Variants in CCDC83 observed in about 807,000 individuals in gnomAD.
CCDC83 encodes the protein coiled-coil domain containing 83.
CCDC83 carries 54 observed loss-of-function variants against 50.1 expected under a neutral mutation model. The ratio of observed to expected loss-of-function variants is 1.08; its 90% confidence interval spans 0.87 to 1.35. The LOEUF is 1.35. Ranked by LOEUF, CCDC83 falls within the 40% of genes most tolerant of loss-of-function variation. CCDC83 has a pLI of 0.00. For synonymous variants in CCDC83, 161 were observed against 153.3 expected (o/e 1.05, Z -0.37); for missense variants, 518 against 473.9 (o/e 1.09, Z -0.86).
At chr11:85,915,543 T>TG in intron 9 of CCDC83, 45 bp downstream of exon 9, 1 of 1,404,596 alleles carries the variant, frequency 7.1e-7, no homozygotes. Flanking sequence ...TTCAAACTCT[T>TG]GTTTTTCAAT....
Position 85,916,083 on chromosome 11 carries a change from A to T in CCDC83, c.930A>T (p.Ser310=), listed in dbSNP as rs768399683. The T allele has an allele frequency of 1.4e-5, 23 of 1,613,424 alleles. No individual in the cohort carries two copies. Among genetic ancestry groups the T allele is most frequent in the Non-Finnish European group, 1.9e-5 (22 of 1,179,510 alleles). Residue 310 remains serine, a synonymous_variant, in exon 10 of 11, where the codon TCA becomes TCT. Transcript: ENST00000342404. ...TAGAAAGTAGAGACTTGATGTCCTC[A>T]TCAGATGAGAGCACTATCTTACATC... ...TEVESRDLMS[S]SDESTILHLS... is the part of the protein sequence containing the mutation.
chr11:85,901,649 A>C (rs1362417176), intron 7 of CCDC83, among the ~76,000 whole-genome samples: 1 of 151,892 alleles, frequency 6.6e-6, no homozygotes, highest in Non-Finnish European at 1.5e-5. Flanking sequence ...TACAAAAAAA[A>C]AAAAGGAAGA....
intron 5 of CCDC83, among the ~76,000 whole-genome samples, chr11:85,886,939 A>G (rs569348767): frequency 1.3e-5 from 2 of 152,290 alleles, no homozygotes; most frequent in African/African-American, 2.4e-5. Flanking sequence ...TCTTCATTCA[A>G]TGGATGGGGT....
At chr11:85,881,197 C>T (rs2093297669) in intron 3 of CCDC83, among the ~76,000 whole-genome samples, 2 of 151,972 alleles carry the variant, frequency 1.3e-5, no homozygotes, top group Admixed American at 1.3e-4. Context: ...GGTGAAATCC[C>T]GTCTCTACTA....
At chr11:85,857,813 C>T (rs562558296) in intron 1 of CCDC83, among the ~76,000 whole-genome samples, 7 of 152,270 alleles carry the variant, frequency 4.6e-5, no homozygotes, top group South Asian at 4.1e-4. Flanking sequence ...TCATCAAGAT[C>T]GACCCCATCA....
At chr11:85,882,395 C>A in intron 3 of CCDC83, 118 bp from the exon 4 acceptor site, 1 of 881,942 alleles carries the variant, frequency 1.1e-6, no homozygotes, top group Non-Finnish European at 1.8e-6. Flanking sequence ...AGTAGAAGTC[C>A]AGGCTTCCCA....
Position 85,882,666 on chromosome 11 carries a change from A to T in CCDC83, c.334A>T (p.Asn112Tyr), listed in dbSNP as rs1229236264. Residue 112 changes from asparagine (N) to tyrosine (Y), a missense_variant, in exon 4 of 11, where the codon AAC becomes TAC. Coordinates refer to ENST00000342404, the MANE Select transcript of CCDC83 (RefSeq NM_001286159.2). ...KWKFERDQEK[N>Y]LRDMRMQISN... ...GAAGTTTGAAAGAGACCAGGAAAAA[A>T]ACTTGAGAGGTGATTTAGGAACATA... The T allele has an allele frequency of 6.2e-7, 1 of 1,613,658 alleles. No individual in the cohort carries two copies. The highest frequency in any genetic ancestry group is 8.5e-7 in the Non-Finnish European group (1 of 1,179,816).
At chr11:85,864,229 C>G (rs2153682217) in intron 1 of CCDC83, among the ~76,000 whole-genome samples, 1 of 152,318 alleles carries the variant, frequency 6.6e-6, no homozygotes, top group Non-Finnish European at 1.5e-5. Context: ...AGTTTCCAGC[C>G]ACTTAAATAA....
At position 85,911,189 on chromosome 11, in the gene CCDC83, A is replaced by G. The variant is rs11234472; in HGVS notation, c.673-92A>G. 3.0e-3 allele frequency: 3,412 copies of G among 1,122,728 alleles called. 53 individuals are homozygous for G. In the African/African-American group the frequency reaches 0.044, roughly 15 times the overall value. 69.5% of individuals were successfully genotyped at this position (1,122,728 alleles called of 1,614,324 possible). A position where few individuals can be genotyped will look rare whatever the true frequency, so the allele number is the denominator to read the frequency against. The stretch of plus-strand genomic sequence containing the variant: ...TCCGTCTCAAATAAAAAAAAAAAAA[A>G]AAAGAAAGAAAAAAGAAAAAAATAA... On this transcript the variant is annotated intron_variant, in intron 7 of 10. Coordinates refer to ENST00000342404, the MANE Select transcript of CCDC83 (RefSeq NM_001286159.2).
chr11:85,885,446 G>A (rs2093322325), intron 4 of CCDC83, among the ~76,000 whole-genome samples: 1 of 152,190 alleles, frequency 6.6e-6, no homozygotes, highest in South Asian at 2.1e-4. Context: ...GTGATATATG[G>A]TGATGAGATA....
intron 1 of CCDC83, among the ~76,000 whole-genome samples, chr11:85,861,385 G>A (rs568452104): frequency 4.5e-4 from 68 of 152,300 alleles, no homozygotes; most frequent in Non-Finnish European, 7.8e-4. Flanking sequence ...TCAAAACCAT[G>A]CAGTTAATGG....
Position 85,857,114 on chromosome 11 carries a change from C to T in CCDC83, c.-29+1530C>T, listed in dbSNP as rs142917282. 4.6e-3 allele frequency among the ~76,000 whole-genome samples: 698 copies of T among 152,304 alleles called. 3 individuals carry two copies. The highest frequency in any genetic ancestry group is 0.024 in the Middle Eastern group (7 of 292). ...TCTGACAAACTGCCCTACAAAGTCA[C>T]TGACATTGGCCTGGACTTCTGGGGA... On this transcript the variant is annotated intron_variant, in intron 1 of 10. Transcript: ENST00000342404.
intron 1 of CCDC83, among the ~76,000 whole-genome samples, chr11:85,860,134 A>C (rs1049513616): frequency 2.0e-5 from 3 of 151,550 alleles, no homozygotes; most frequent in African/African-American, 7.3e-5. Flanking sequence ...TAAAAATACA[A>C]AACAAATAAA....
In CCDC83 at chr11:85,895,402, T is replaced by G. The variant is rs778595733; in HGVS notation, c.603+18T>G. 4.9e-6 allele frequency: 7 copies of G among 1,430,024 alleles called. No individual in the cohort carries two copies. In the South Asian group the frequency reaches 8.6e-5, roughly 18 times the overall value. The allele number at this position is 1,430,024 out of a possible 1,614,324, so 88.6% of individuals were successfully genotyped here. A position where few individuals can be genotyped will look rare whatever the true frequency, so the allele number is the denominator to read the frequency against. On this transcript the variant is annotated intron_variant, in intron 6 of 10. Coordinates refer to ENST00000342404, the MANE Select transcript of CCDC83 (RefSeq NM_001286159.2). ...CCACACAGGTATAATTCAATTTTCT[T>G]AAAAACAGAACAAAACAAACATTTT...
intron 9 of CCDC83, 112 bp downstream of exon 9, chr11:85,915,610 A>C (rs930368768): frequency 2.9e-6 from 2 of 683,630 alleles, no homozygotes; most frequent in Non-Finnish European, 4.9e-6. Flanking sequence ...CTATTCAGAG[A>C]ATAGACACCT....
At chr11:85,883,361 A>C (rs759004219) in intron 4 of CCDC83, among the ~76,000 whole-genome samples, 1 of 151,468 alleles carries the variant, frequency 6.6e-6, no homozygotes, top group Non-Finnish European at 1.5e-5. Flanking sequence ...AGATTTGGGA[A>C]TGATAAGGCA....
intron 3 of CCDC83, 75 bp from the exon 4 acceptor site, chr11:85,882,438 C>A: frequency 2.0e-6 from 3 of 1,463,526 alleles, no homozygotes; most frequent in South Asian, 1.3e-5. Flanking sequence ...AGGCCGGGAA[C>A]TTCTTGACTC....
chr11:85,885,832 G>A (rs1355492126), intron 4 of CCDC83, among the ~76,000 whole-genome samples: 2 of 152,160 alleles, frequency 1.3e-5, no homozygotes, highest in African/African-American at 4.8e-5. Flanking sequence ...CCAGAAAAAT[G>A]ACAATTTCCT....
rs778020367 is a variant in CCDC83, at chr11:85,886,296, G to A, written c.440G>A (p.Arg147Gln). The change falls in exon 5 of 11, where the codon CGA becomes CAA. Residue 147 changes from arginine to glutamine, a missense_variant. By Grantham distance (43) the Arg-to-Gln change is conservative (BLOSUM62 1). Coordinates refer to ENST00000342404, the MANE Select transcript of CCDC83 (RefSeq NM_001286159.2). Reference sequence around the variant, plus strand: ...GAGTACAAGAATGTAGGGAGTGAACGACATGCTAAACTCATTACCTCCTTA... The same window carrying A: ...GAGTACAAGAATGTAGGGAGTGAACAACATGCTAAACTCATTACCTCCTTA... ...WEEYKNVGSE[R>Q]HAKLITSLQN... is the part of the protein sequence containing the mutation. The A allele has an allele frequency of 9.9e-6, 16 of 1,610,280 alleles. No individual in the cohort carries two copies. The highest frequency in any genetic ancestry group is 6.6e-5 in the South Asian group (6 of 90,354).
Sources: gnomAD v4.1 joint callset for allele counts (sites outside exome capture counted in the v4.1 genomes callset) on GRCh38, gnomAD v4.1.1 for gene constraint, MANE v1.5 for transcripts, NCBI Gene and HGNC (gene_info 2026-07-23, HGNC 2026-07-21) for gene names.